PLCB1: variants seen among roughly 807,000 people sequenced by gnomAD.
PLCB1 encodes the protein 1-phosphatidylinositol 4,5-bisphosphate phosphodiesterase beta-1.
Under a neutral mutation model 161.8 loss-of-function variants are expected in PLCB1, and 46 were observed. The observed-to-expected ratio is 0.28, with a 90% confidence interval of 0.22 to 0.36. PLCB1 has a LOEUF of 0.36. Ranked by LOEUF, PLCB1 falls within the 10% of genes least tolerant of loss-of-function variation. PLCB1 has a pLI of 1.00. For synonymous variants in PLCB1, 517 were observed against 503.7 expected, an observed-to-expected ratio of 1.03 and a Z score of -0.35; for missense variants, 1,016 against 1,472.5, an observed-to-expected ratio of 0.69 and a Z score of 5.07.
At chr20:8,329,343 G>A (rs1555798803) in intron 2 of PLCB1, among the ~76,000 whole-genome samples, 1 of 143,752 alleles carries the variant, frequency 7.0e-6, no homozygotes, top group Non-Finnish European at 1.5e-5. Context: ...TTTTTGAGAT[G>A]GAGTCTTGCT....
intron 2 of PLCB1, among the ~76,000 whole-genome samples, chr20:8,231,119 A>C (rs1600249147): frequency 1.3e-5 from 2 of 152,284 alleles, no homozygotes; most frequent in East Asian, 3.9e-4. Context: ...CCCATGCTGC[A>C]ACCCTGCCAC....
intron 3 of PLCB1, among the ~76,000 whole-genome samples, chr20:8,574,831 C>A (rs1458584614): frequency 3.4e-5 from 5 of 146,154 alleles, no homozygotes; most frequent in African/African-American, 8.4e-5. Flanking sequence ...GCCTGTTAGG[C>A]CTTAAGCAGG....
chr20:8,381,465 G>C (rs1987251956), intron 3 of PLCB1, among the ~76,000 whole-genome samples: 1 of 152,310 alleles, frequency 6.6e-6, no homozygotes, highest in South Asian at 2.1e-4. Context: ...CATGAAATGA[G>C]TTAGGGAGGA....
rs199824979 is a variant in PLCB1 at position 8,381,917 on chromosome 20, A to AT, written c.246+10475dup. On this transcript the variant is annotated intron_variant, in intron 3 of 31. Coordinates refer to ENST00000338037, the MANE Select transcript of PLCB1 (RefSeq NM_015192.4). ...AAAGAAGAAGCTCCTGGATTCATTGATTTTTTTTGGAGGGTTTTTCATGTC... is the reference window on the plus strand; with the variant it reads ...AAAGAAGAAGCTCCTGGATTCATTGATTTTTTTTTGGAGGGTTTTTCATGTC... 5.0e-3 allele frequency among the ~76,000 whole-genome samples: 764 copies of AT among 151,784 alleles called. 4 individuals are homozygous for AT. The highest frequency in any genetic ancestry group is 0.015 in the African/African-American group (618 of 41,370).
At chr20:8,648,928 G>A (rs1486214891) in intron 6 of PLCB1, among the ~76,000 whole-genome samples, 1 of 144,184 alleles carries the variant, frequency 6.9e-6, no homozygotes, top group African/African-American at 2.6e-5. Context: ...GCAACAATGT[G>A]AGACCCTGTC....
At chr20:8,335,897 T>C (rs558437250) in intron 2 of PLCB1, among the ~76,000 whole-genome samples, 13 of 152,322 alleles carry the variant, frequency 8.5e-5, no homozygotes, top group Middle Eastern at 3.4e-3. Flanking sequence ...TTCTGGAGAA[T>C]AGCTGACTGC....
chr20:8,545,131 AG>A (rs1485930171), intron 3 of PLCB1, among the ~76,000 whole-genome samples: 1 of 152,214 alleles, frequency 6.6e-6, no homozygotes, highest in Non-Finnish European at 1.5e-5. Context: ...GGAGTTAGAT[AG>A]GGGGAAAAAT....
At chr20:8,306,983 C>G (rs1387251308) in intron 2 of PLCB1, among the ~76,000 whole-genome samples, 1 of 152,198 alleles carries the variant, frequency 6.6e-6, no homozygotes, top group East Asian at 1.9e-4. Context: ...ATACTTATCT[C>G]TGATTTAAAT....
intron 20 of PLCB1, among the ~76,000 whole-genome samples, chr20:8,739,042 C>T (rs910002901): frequency 9.2e-5 from 14 of 152,140 alleles, no homozygotes; most frequent in Non-Finnish European, 1.9e-4. Flanking sequence ...GTCCCAGCTA[C>T]TTGGAAGGCT....
chr20:8,399,143 G>GT (rs890666137), intron 3 of PLCB1, among the ~76,000 whole-genome samples: 2 of 149,374 alleles, frequency 1.3e-5, no homozygotes, highest in East Asian at 2.0e-4. Context: ...CATCTTGGAG[G>GT]TTTTTTTTGT....
At chr20:8,859,231 C>A (rs957646832) in intron 31 of PLCB1, among the ~76,000 whole-genome samples, 4 of 152,188 alleles carry the variant, frequency 2.6e-5, no homozygotes, top group African/African-American at 9.7e-5. Context: ...TAAAGAAGCA[C>A]CGAATCCAGA....
chr20:8,749,044 C>T (rs925003703), intron 23 of PLCB1, among the ~76,000 whole-genome samples: 13 of 152,092 alleles, frequency 8.5e-5, no homozygotes, highest in Admixed American at 3.9e-4. Context: ...CACAAAACAC[C>T]GCATATTCAA....
At chr20:8,482,669 C>A (rs934477575) in intron 3 of PLCB1, among the ~76,000 whole-genome samples, 1 of 152,090 alleles carries the variant, frequency 6.6e-6, no homozygotes, top group Admixed American at 6.5e-5. Context: ...ACATGCAGTT[C>A]TCATTTTCAC....
At chr20:8,602,244 C>T (rs1207473953) in intron 3 of PLCB1, among the ~76,000 whole-genome samples, 3 of 151,836 alleles carry the variant, frequency 2.0e-5, no homozygotes. Context: ...GCAAGGTTGA[C>T]TCTTGGTATT....
At chr20:8,397,657 C>G (rs950231164) in intron 3 of PLCB1, among the ~76,000 whole-genome samples, 1 of 152,124 alleles carries the variant, frequency 6.6e-6, no homozygotes, top group Admixed American at 6.6e-5. Context: ...AATTGAGACA[C>G]CAGTTTTTTC....
intron 9 of PLCB1, among the ~76,000 whole-genome samples, chr20:8,678,960 C>T (rs115797776): frequency 1.4e-3 from 216 of 152,294 alleles, no homozygotes; most frequent in African/African-American, 4.9e-3. Flanking sequence ...CTAAGAACTA[C>T]ACTAAATGAA....
intron 3 of PLCB1, among the ~76,000 whole-genome samples, chr20:8,523,160 C>T (rs1984417930): frequency 6.6e-6 from 1 of 151,838 alleles, no homozygotes; most frequent in Non-Finnish European, 1.5e-5. Context: ...GGGTAGTAGG[C>T]CTGTTATCCC....
At chr20:8,141,043 G>A (rs1314510819) in intron 1 of PLCB1, among the ~76,000 whole-genome samples, 5 of 152,152 alleles carry the variant, frequency 3.3e-5, no homozygotes, top group Non-Finnish European at 7.4e-5. Context: ...TGATCCACCC[G>A]CCTCAGCCTC....
chr20:8,825,245 T>C (rs1985635678), intron 31 of PLCB1, among the ~76,000 whole-genome samples: 1 of 152,178 alleles, frequency 6.6e-6, no homozygotes, highest in African/African-American at 2.4e-5. Flanking sequence ...ACTAATTGTC[T>C]AGCTACAAAC....
Sources: allele counts gnomAD v4.1 joint callset (sites outside exome capture counted in the v4.1 genomes callset), GRCh38; gene constraint gnomAD v4.1.1; transcripts MANE v1.5; gene names NCBI Gene and HGNC (gene_info 2026-07-23, HGNC 2026-07-21).